LINGO2: variants seen among roughly 807,000 people sequenced by gnomAD.
LINGO2 encodes the protein leucine-rich repeat and immunoglobulin-like domain-containing nogo receptor-interacting protein 2.
In LINGO2, 14 loss-of-function variants were observed where a neutral mutation model predicts 30.6. The ratio of observed to expected loss-of-function variants is 0.46; its 90% CI spans 0.30 to 0.72. LINGO2 has a LOEUF of 0.72. Ranked by LOEUF, LINGO2 falls within the 30% of genes least tolerant of loss-of-function variation. The pLI is 0.07. For synonymous variants in LINGO2, 317 were observed against 288.5 expected, an observed-to-expected ratio of 1.10 and a Z score of -1.00; for missense variants, 729 against 751.7, an observed-to-expected ratio of 0.97 and a Z score of 0.35.
downstream of LINGO2, chr9:27,944,076 T>C (rs1169068559): frequency 6.6e-6 from 1 of 152,212 alleles, no homozygotes; most frequent in Non-Finnish European, 1.5e-5. Flanking sequence ...TTATGTATTT[T>C]GTTGTTGTTG....
At chr9:28,478,159 C>T (rs1224152426) in intron 1 of LINGO2, among the ~76,000 whole-genome samples, 2 of 152,070 alleles carry the variant, frequency 1.3e-5, no homozygotes, top group South Asian at 2.1e-4. Context: ...TGTCAAATAG[C>T]GCTGAAGTAA....
At chr9:29,074,255 C>T in the LINGO2 span, among the ~76,000 whole-genome samples, 5 of 151,880 alleles carry the variant, frequency 3.3e-5, no homozygotes, top group Non-Finnish European at 7.4e-5. Flanking sequence ...AGTCAATCAA[C>T]AGAGACAATA....
chr9:28,815,979 TA>T, the LINGO2 span, among the ~76,000 whole-genome samples: 1 of 152,152 alleles, frequency 6.6e-6, no homozygotes, highest in Admixed American at 6.5e-5. Context: ...TTAGAAAGTC[TA>T]AGATCAAGGA....
intron 3 of LINGO2, among the ~76,000 whole-genome samples, chr9:28,351,682 G>A (rs1424425278): frequency 6.6e-6 from 1 of 150,426 alleles, no homozygotes; most frequent in African/African-American, 2.5e-5. Flanking sequence ...CCAAAGCCAG[G>A]CAGAGACACA....
At chr9:29,170,971 T>C in the LINGO2 span, among the ~76,000 whole-genome samples, 1 of 152,262 alleles carries the variant, frequency 6.6e-6, no homozygotes, top group African/African-American at 2.4e-5. Context: ...AATTTGGCTA[T>C]ATCTCCCAAA....
chr9:28,145,523 C>G (rs1827788448), intron 4 of LINGO2, among the ~76,000 whole-genome samples: 1 of 152,186 alleles, frequency 6.6e-6, no homozygotes, highest in Non-Finnish European at 1.5e-5. Flanking sequence ...TCAGGACTGG[C>G]TGTCTGTACT....
chr9:28,675,937 A>G, the LINGO2 span, among the ~76,000 whole-genome samples: 12 of 147,906 alleles, frequency 8.1e-5, no homozygotes, highest in Admixed American at 4.8e-4. Context: ...ATACACACAC[A>G]CACACACACA....
At chr9:28,027,331 A>T (rs1014884651) in intron 4 of LINGO2, among the ~76,000 whole-genome samples, 24 of 152,184 alleles carry the variant, frequency 1.6e-4, no homozygotes, top group African/African-American at 5.5e-4. Flanking sequence ...TCAAGCATGC[A>T]TACTCTGGAA....
intron 1 of LINGO2, among the ~76,000 whole-genome samples, chr9:28,630,838 G>T (rs912206730): frequency 2.6e-5 from 4 of 151,366 alleles, no homozygotes; most frequent in Admixed American, 1.3e-4. Flanking sequence ...ACTATTTTTA[G>T]TAACCCTCAG....
chr9:28,494,341 G>T (rs1175168522), intron 1 of LINGO2, among the ~76,000 whole-genome samples: 1 of 151,898 alleles, frequency 6.6e-6, no homozygotes, highest in Admixed American at 6.6e-5. Context: ...TACATTAGGC[G>T]TATCTCCTAA....
At chr9:28,773,058 T>TA in the LINGO2 span, among the ~76,000 whole-genome samples, 1 of 152,046 alleles carries the variant, frequency 6.6e-6, no homozygotes, top group African/African-American at 2.4e-5. Context: ...GACACAAATG[T>TA]AAGGCAACAA....
At position 28,530,063 on chromosome 9, in the gene LINGO2, G is replaced by T. The variant is rs1372368272; in HGVS notation, c.-364-54038C>A. Among the ~76,000 whole-genome samples, 3 of 151,948 alleles carry T rather than the reference G, an allele frequency of 2.0e-5. No homozygotes were observed. In the East Asian group the frequency reaches 5.8e-4, roughly 30 times the overall value. ...GAAGTGATTCTTGAGCTTTTTGGGGGGAGTGAAAGCTGGTTGGAGCAGGGT... is the reference window on the plus strand; with the variant it reads ...GAAGTGATTCTTGAGCTTTTTGGGGTGAGTGAAAGCTGGTTGGAGCAGGGT... On this transcript the variant is annotated intron_variant, in intron 1 of 5. Coordinates refer to ENST00000379992, the Ensembl canonical transcript of LINGO2.
At chr9:28,664,996 C>CATATATATAT (rs10527878) in intron 1 of LINGO2, among the ~76,000 whole-genome samples, 2,211 of 95,838 alleles carry the variant, frequency 0.023, 111 homozygotes, top group South Asian at 0.049. Context: ...TATGTGTTTA[C>CATATATATAT]ATATATATAT....
At position 28,651,587 on chromosome 9, in the gene LINGO2, G is replaced by T. The variant is rs370655868; in HGVS notation, c.-365+18613C>A. On this transcript the variant is annotated intron_variant, in intron 1 of 5. Transcript: ENST00000379992. ...CAGGTTTCACCCCACAGTCCCTGGG[G>T]AGGTCTCTATTTGGCATACATAGTT... 2.6e-5 allele frequency among the ~76,000 whole-genome samples: 4 copies of T among 152,212 alleles called. No individual in the cohort carries two copies. The South Asian group carries it at 6.2e-4, about 24-fold the overall frequency.
chr9:28,495,178 T>C (rs1819556878), intron 1 of LINGO2, among the ~76,000 whole-genome samples: 1 of 72,498 alleles, frequency 1.4e-5, no homozygotes, highest in African/African-American at 5.7e-5. Context: ...GCCTGTTCAC[T>C]CTGATGGTAG....
At chr9:28,848,263 GTATATATAC>G in the LINGO2 span, among the ~76,000 whole-genome samples, 1 of 89,578 alleles carries the variant, frequency 1.1e-5, no homozygotes, top group Non-Finnish European at 2.0e-5. Flanking sequence ...CATATATAGT[GTATATATAC>G]TATATATACA....
chr9:28,035,299 G>C (rs1489441798), intron 4 of LINGO2, among the ~76,000 whole-genome samples: 1 of 152,164 alleles, frequency 6.6e-6, no homozygotes, highest in South Asian at 2.1e-4. Flanking sequence ...TTTCCTTATA[G>C]GACATATTTT....
At chr9:29,203,706 G>C in the LINGO2 span, among the ~76,000 whole-genome samples, 1 of 152,256 alleles carries the variant, frequency 6.6e-6, no homozygotes, top group East Asian at 1.9e-4. Flanking sequence ...ATCTTCTGAA[G>C]CGTTTTCTGG....
the LINGO2 span, among the ~76,000 whole-genome samples, chr9:28,784,067 T>C: frequency 3.9e-5 from 6 of 152,170 alleles, no homozygotes; most frequent in African/African-American, 1.4e-4. Context: ...ATCCTATTAG[T>C]TTTGGAGGGG....
Sources: gnomAD v4.1 joint callset for allele counts (sites outside exome capture counted in the v4.1 genomes callset) on GRCh38, gnomAD v4.1.1 for gene constraint, MANE v1.5 for transcripts, NCBI Gene and HGNC (gene_info 2026-07-23, HGNC 2026-07-21) for gene names.